Variants in BTBD8 observed in about 807,000 individuals in gnomAD.
BTBD8 encodes BTB domain containing 8, also known as BTB/POZ domain-containing protein 8.
Under a neutral mutation model 162.9 loss-of-function variants are expected in BTBD8, and 110 were observed. The ratio of observed to expected loss-of-function variants is 0.68; its 90% CI spans 0.58 to 0.79. BTBD8 has a LOEUF of 0.79. Ranked by LOEUF, BTBD8 falls within the 30% of genes least tolerant of loss-of-function variation. The pLI is 0.00. For missense variants in BTBD8, 1,905 were observed against 2,085.4 expected, an observed-to-expected ratio of 0.91 and a Z score of 1.68; for synonymous variants, 667 against 716.1, an observed-to-expected ratio of 0.93 and a Z score of 1.10.
At chr1:92,157,605 G>A (rs745509145) in intron 9 of BTBD8, among the ~76,000 whole-genome samples, 38 of 152,106 alleles carry the variant, frequency 2.5e-4, no homozygotes, top group Non-Finnish European at 4.0e-4. Flanking sequence ...CTGGGCTTAA[G>A]TGATCCTTCT....
Position 92,107,908 on chromosome 1 carries a change from C to A in BTBD8, c.569C>A (p.Ser190Tyr), listed in dbSNP as rs369473873. The A allele has an allele frequency of 1.6e-4, 264 of 1,613,486 alleles. No homozygotes were observed. Among genetic ancestry groups the A allele is most frequent in the Non-Finnish European group, 2.1e-4 (248 of 1,179,852 alleles). The change falls in exon 4 of 18, where the codon TCT (serine) becomes TAT (tyrosine). Residue 190 changes from serine to tyrosine, a missense_variant. This residue lies in a region of BTBD8 where 1,374 missense variants were observed against 1,442.7 expected (regional missense o/e 0.95). Coordinates refer to ENST00000636805, the MANE Select transcript of BTBD8 (RefSeq NM_001376131.1). ...GATAATTATGACTTGGAGCCTGCAT[C>A]TGAATTAGGAGAAGATTTATTGAAG... ...SNDNYDLEPA[S>Y]ELGEDLLKLY...
chr1:92,080,385 G>C lies in BTBD8; in HGVS notation c.-187G>C. The C allele has an allele frequency of 1.3e-6, 1 of 773,592 alleles. No homozygotes were observed. The highest frequency in any genetic ancestry group is 1.8e-5 in the African/African-American group (1 of 54,568). 47.9% of individuals were successfully genotyped at this position (773,592 alleles called of 1,614,324 possible). On this transcript the variant is annotated 5_prime_UTR_variant, in exon 1 of 18. Coordinates refer to ENST00000636805, the MANE Select transcript of BTBD8 (RefSeq NM_001376131.1). ...GCCGGCTCGGTTCTGGGATTCTGAGGCTCCCCACCGCGGTCCGGCTTCTCT... is the reference window on the plus strand; with the variant it reads ...GCCGGCTCGGTTCTGGGATTCTGAGCCTCCCCACCGCGGTCCGGCTTCTCT...
rs1279599368 is a variant in BTBD8 at position 92,147,198 on chromosome 1, A to T, written c.949A>T (p.Thr317Ser). ...FFQKPVPRTL[T>S]SILECLIIAH... ...ATTTTAGCCTGTTCCCAGAACATTG[A>T]CGTCTATACTAGAATGCCTGATTAT... Residue 317 changes from threonine to serine, a missense_variant, in exon 8 of 18, where the codon ACG becomes TCG. Around this residue, in one of 3 missense-constraint regions of BTBD8, gnomAD observed 1,374 missense variants for 1,442.7 expected, o/e 0.95. Coordinates refer to ENST00000636805, the MANE Select transcript of BTBD8 (RefSeq NM_001376131.1). 6.2e-7 allele frequency: 1 copy of T among 1,608,268 alleles called. No individual in the cohort carries two copies. Among genetic ancestry groups the T allele is most frequent in the Non-Finnish European group, 8.5e-7 (1 of 1,177,672 alleles).
chr1:92,137,224 T>C (rs1461652216), intron 5 of BTBD8, among the ~76,000 whole-genome samples: 1 of 152,162 alleles, frequency 6.6e-6, no homozygotes, highest in Non-Finnish European at 1.5e-5. Context: ...AAGAGTTTTA[T>C]TAGAGTTTAA....
chr1:92,124,855 C>T (rs1649310369), intron 4 of BTBD8, among the ~76,000 whole-genome samples: 1 of 152,082 alleles, frequency 6.6e-6, no homozygotes. Context: ...CTTTCTTGAA[C>T]ATAATTATGG....
At chr1:92,116,804 C>G (rs1268580709) in intron 4 of BTBD8, among the ~76,000 whole-genome samples, 1 of 150,858 alleles carries the variant, frequency 6.6e-6, no homozygotes, top group Non-Finnish European at 1.5e-5. Flanking sequence ...GACTATTTGA[C>G]TATTTGTAAT....
At chr1:92,121,472 C>T (rs912961499) in intron 4 of BTBD8, among the ~76,000 whole-genome samples, 12 of 151,934 alleles carry the variant, frequency 7.9e-5, no homozygotes, top group South Asian at 2.1e-4. Context: ...AAACTTATGT[C>T]GTCCTTAAAT....
At chr1:92,151,305 G>A (rs1041321793) in intron 9 of BTBD8, among the ~76,000 whole-genome samples, 1 of 147,870 alleles carries the variant, frequency 6.8e-6, no homozygotes, top group African/African-American at 2.5e-5. Flanking sequence ...AGTAAGCTGG[G>A]ATTGTGCCAT....
chr1:92,112,659 C>T (rs1357085286), intron 4 of BTBD8, among the ~76,000 whole-genome samples: 2 of 152,106 alleles, frequency 1.3e-5, no homozygotes, highest in African/African-American at 2.4e-5. Context: ...ATCCATGGCA[C>T]TTAACTTCAG....
intron 3 of BTBD8, 96 bp downstream of exon 3, chr1:92,102,765 G>T (rs972589158): frequency 8.6e-7 from 1 of 1,166,718 alleles, no homozygotes; most frequent in Non-Finnish European, 1.1e-6. Flanking sequence ...ATGCTTTACT[G>T]ATTTTTTTTT....
rs185234499 is a variant in BTBD8 at position 92,149,252 on chromosome 1, G to C, written c.1122+1466G>C. Reference sequence around the variant, plus strand: ...TCTCATTCCCCGTCATCTAATATAAGACATGTTAATAATAGTTAACTTTGT... The same window carrying C: ...TCTCATTCCCCGTCATCTAATATAACACATGTTAATAATAGTTAACTTTGT... On this transcript the variant is annotated intron_variant, in intron 9 of 17. Transcript: ENST00000636805. Among the ~76,000 whole-genome samples, 15 of 152,132 alleles carry C rather than the reference G, an allele frequency of 9.9e-5. No homozygotes were observed. The East Asian group carries it at 2.9e-3, about 29-fold the overall frequency.
chr1:92,180,436 C>A lies in BTBD8; in HGVS notation c.2753C>A (p.Ala918Glu). The A allele has an allele frequency of 7.7e-6, 12 of 1,551,124 alleles. No homozygotes were observed. The highest frequency in any genetic ancestry group is 1.0e-5 in the Non-Finnish European group (12 of 1,146,794). ...CCTAAGGTTAATGCAAAAATAGTGG[C>A]AATGCCTAAAAATCTAAATCAGTCA... Reference protein sequence around the residue: ...ALPKVNAKIVAMPKNLNQSKK... With the variant: ...ALPKVNAKIVEMPKNLNQSKK... Residue 918 changes from alanine to glutamate, a missense_variant, in exon 17 of 18, where the codon GCA (alanine) becomes GAA (glutamate). By Grantham distance (107) the Ala-to-Glu change is moderately radical (BLOSUM62 -1). Transcript: ENST00000636805.
intron 13 of BTBD8, among the ~76,000 whole-genome samples, chr1:92,172,246 G>A (rs1016523697): frequency 6.6e-6 from 1 of 152,138 alleles, no homozygotes; most frequent in African/African-American, 2.4e-5. Flanking sequence ...AGGTAGTATT[G>A]TGGTTGCTGA....
At chr1:92,147,633 T>C (rs777113071) in intron 8 of BTBD8, 51 bp from the exon 9 acceptor site, 24 of 1,446,146 alleles carry the variant, frequency 1.7e-5, no homozygotes, top group Non-Finnish European at 1.6e-5. Flanking sequence ...TTGACTATTA[T>C]AATGAAAAAC....
chr1:92,125,371 G>T, intron 4 of BTBD8: 1 of 227,944 alleles, frequency 4.4e-6, no homozygotes, highest in South Asian at 6.5e-5. Context: ...TCTACCTCCA[G>T]AAGCACAACA....
In BTBD8 at chr1:92,088,875, A is replaced by G; in HGVS notation, c.327A>G (p.Leu109=). The change falls in exon 2 of 18, where the codon TTA becomes TTG. Residue 109 remains leucine, a synonymous_variant. Coordinates refer to ENST00000636805, the MANE Select transcript of BTBD8 (RefSeq NM_001376131.1). ...TTGCTGTGGAGAATGTTGAAGCTTTAGAATTTAGAACGTTTTTACAGTAAG... is the reference window on the plus strand; with the variant it reads ...TTGCTGTGGAGAATGTTGAAGCTTTGGAATTTAGAACGTTTTTACAGTAAG... The part of the protein sequence containing the change: ...EPIAVENVEA[L]EFRTFLQIIY... 1.2e-6 allele frequency: 2 copies of G among 1,610,820 alleles called. No individual in the cohort carries two copies. The highest frequency in any genetic ancestry group is 1.7e-6 in the Non-Finnish European group (2 of 1,178,388).
Position 92,120,308 on chromosome 1 carries a change from A to G in BTBD8, c.663-9379A>G, listed in dbSNP as rs146021290. On this transcript the variant is annotated intron_variant, in intron 4 of 17. Coordinates refer to ENST00000636805, the MANE Select transcript of BTBD8 (RefSeq NM_001376131.1). ...CACAGAGCCAGGATTATCAGTATCA[A>G]TCCCTTCCGCCTCCACATCATGTCC... 9.0e-3 allele frequency among the ~76,000 whole-genome samples: 1,376 copies of G among 152,304 alleles called. 17 individuals carry two copies. The highest frequency in any genetic ancestry group is 0.031 in the African/African-American group (1,294 of 41,574).
chr1:92,172,546 T>C (rs548139443), intron 13 of BTBD8, among the ~76,000 whole-genome samples: 8 of 152,368 alleles, frequency 5.3e-5, no homozygotes, highest in Admixed American at 5.2e-4. Flanking sequence ...TTAGGGTTCC[T>C]AGCTGACTTA....
chr1:92,169,551 G>A (rs1311101001), intron 12 of BTBD8, among the ~76,000 whole-genome samples: 3 of 152,032 alleles, frequency 2.0e-5, no homozygotes, highest in Non-Finnish European at 4.4e-5. Context: ...AACAAAAGAT[G>A]TATATTGCTC....
Sources: allele counts gnomAD v4.1 joint callset (sites outside exome capture counted in the v4.1 genomes callset), GRCh38; gene constraint gnomAD v4.1.1; regional missense constraint gnomAD v4.1.1; transcripts MANE v1.5; gene names NCBI Gene and HGNC (gene_info 2026-07-23, HGNC 2026-07-21).